The following TTC34 variants were observed in gnomAD, a reference collection of about 807,000 sequenced individuals.
TTC34 encodes the protein tetratricopeptide repeat domain 34.
A neutral mutation model predicts 40.7 loss-of-function variants in TTC34; 44 were observed. The observed-to-expected ratio is 1.08, with a 90% CI of 0.85 to 1.39. The LOEUF is 1.39. Among genes scored for constraint, TTC34 ranks in the 40% most tolerant of loss-of-function variants. TTC34 has a pLI of 0.00. For missense variants in TTC34, 884 were observed against 838.0 expected (o/e 1.05, Z -0.68); for synonymous variants, 422 against 398.6 (o/e 1.06, Z -0.70).
intron 6 of TTC34, among the ~76,000 whole-genome samples, chr1:2,653,773 C>T (rs924946295): frequency 4.6e-4 from 63 of 137,134 alleles, no homozygotes; most frequent in South Asian, 2.3e-3. Flanking sequence ...CCCACACCCC[C>T]AGGCGAGCAT....
chr1:2,651,638 A>C (rs1038312435), intron 6 of TTC34, among the ~76,000 whole-genome samples: 9 of 151,052 alleles, frequency 6.0e-5, no homozygotes, highest in East Asian at 5.9e-4. Flanking sequence ...ATCACCCTGC[A>C]TACCAGGAGG....
chr1:2,685,051 T>A (rs1159756584), intron 6 of TTC34, among the ~76,000 whole-genome samples: 3 of 141,102 alleles, frequency 2.1e-5, no homozygotes, highest in African/African-American at 5.8e-5. Flanking sequence ...CAGGTGAGCA[T>A]CTGACAGCCT....
Position 2,645,223 on chromosome 1 carries a change from G to A in TTC34, c.2497+70C>T, listed in dbSNP as rs922052460. 4 of 1,416,428 alleles carry A rather than the reference G, an allele frequency of 2.8e-6. No individual in the cohort carries two copies. Among genetic ancestry groups the A allele is most frequent in the Non-Finnish European group, 3.7e-6 (4 of 1,085,656 alleles). 87.7% of individuals were successfully genotyped at this position (1,416,428 alleles called of 1,614,324 possible). On this transcript the variant is annotated intron_variant, in intron 7 of 8. Transcript: ENST00000401095. The surrounding 1 kb of genome is among the most constrained non-coding windows in gnomAD (Gnocchi z 4.7). Reference sequence around the variant, plus strand: ...TCTTTCTTCCATTTTTACAGAACAGGATACAGAGGTCAGAGGAGCGGGGAC... The same window carrying A: ...TCTTTCTTCCATTTTTACAGAACAGAATACAGAGGTCAGAGGAGCGGGGAC...
At position 2,778,278 on chromosome 1, in the gene TTC34, C is replaced by A. The variant is rs140376550; in HGVS notation, c.2226+5331G>T. Among the ~76,000 whole-genome samples, 346 of 152,352 alleles carry A rather than the reference C, an allele frequency of 2.3e-3. 1 individual carries two copies. The highest frequency in any genetic ancestry group is 8.0e-3 in the African/African-American group (331 of 41,586). ...GCCTCTGTGCTGTGCTTTTACCCAG[C>A]GAAGCATCAGGGCAGACAGCCAATT... On this transcript the variant is annotated intron_variant, in intron 6 of 8. Coordinates refer to ENST00000401095, the Ensembl canonical transcript of TTC34.
chr1:2,752,260 G>C (rs1364362464), intron 6 of TTC34, among the ~76,000 whole-genome samples: 1 of 106,156 alleles, frequency 9.4e-6, no homozygotes, highest in South Asian at 3.5e-4. Context: ...GCCCAGCTGA[G>C]CCTCTGACAG....
intron 6 of TTC34, among the ~76,000 whole-genome samples, chr1:2,751,272 GAAC>G (rs1641309996): frequency 8.1e-6 from 1 of 122,946 alleles, no homozygotes; most frequent in East Asian, 2.8e-4. Context: ...CGACAGCCTG[GAAC>G]AGCACCCACA....
At chr1:2,639,299 CAGG>C (rs1384071899) in exon 9 of TTC34, 2 of 152,178 alleles carry the variant, frequency 1.3e-5, no homozygotes, top group Non-Finnish European at 2.9e-5. Context: ...TCCTGAGGTC[CAGG>C]AGGAGCCTCA....
At chr1:2,749,158 TGCACA>T (rs1641238308) in intron 6 of TTC34, among the ~76,000 whole-genome samples, 1 of 7,482 alleles carries the variant, frequency 1.3e-4, no homozygotes, top group Non-Finnish European at 2.1e-4. Flanking sequence ...AACAGCAAAC[TGCACA>T]CCCAGGTGAG....
chr1:2,788,699 T>C (rs1557691698), intron 3 of TTC34, among the ~76,000 whole-genome samples: 1 of 152,206 alleles, frequency 6.6e-6, no homozygotes, highest in East Asian at 1.9e-4. Context: ...AAGTCAAGGA[T>C]CCTACAAGTG....
At chr1:2,754,139 C>A (rs1641420931) in intron 6 of TTC34, among the ~76,000 whole-genome samples, 2 of 36,224 alleles carry the variant, frequency 5.5e-5, no homozygotes, top group Non-Finnish European at 8.8e-5. Flanking sequence ...CACCCACACC[C>A]CCAGGTGCGC....
chr1:2,681,664 C>T (rs1289789089), intron 6 of TTC34, among the ~76,000 whole-genome samples: 6 of 87,072 alleles, frequency 6.9e-5, no homozygotes, highest in South Asian at 6.7e-4. Context: ...AGCATCCACA[C>T]CCCCAGGTGA....
chr1:2,677,565 C>CT (rs1639953848), intron 6 of TTC34, among the ~76,000 whole-genome samples: 1 of 106,496 alleles, frequency 9.4e-6, no homozygotes, highest in African/African-American at 3.3e-5. Flanking sequence ...GAGCAGCACC[C>CT]ACACACCCAG....
chr1:2,699,991 C>A (rs530827845), intron 6 of TTC34, among the ~76,000 whole-genome samples: 178 of 110,282 alleles, frequency 1.6e-3, no homozygotes, highest in African/African-American at 4.9e-3. Context: ...GAGCATCTGA[C>A]AGCCTGGAGC....
intron 6 of TTC34, among the ~76,000 whole-genome samples, chr1:2,688,601 G>A (rs1279841251): frequency 1.5e-5 from 2 of 136,020 alleles, no homozygotes; most frequent in South Asian, 4.5e-4. Context: ...GCCTGGAGCA[G>A]CACCCACACC....
rs1235040759 is a variant in TTC34, at chr1:2,751,332, G to T, written c.2226+32277C>A. 2.1e-3 allele frequency among the ~76,000 whole-genome samples: 303 copies of T among 142,894 alleles called. 46 individuals are homozygous for T. Among genetic ancestry groups the T allele is most frequent in the African/African-American group, 7.9e-3 (293 of 36,968 alleles). The allele number at this position is 142,894 out of a possible 152,430, so 93.7% of individuals were successfully genotyped here. A position where few individuals can be genotyped will look rare whatever the true frequency, so the allele number is the denominator to read the frequency against. ...CCGTGGAGCAGAACAAACACCCCCA[G>T]GCGAGCATCTGACAGCCTGGGTCGG... On this transcript the variant is annotated intron_variant, in intron 6 of 8. Transcript: ENST00000401095.
In TTC34 at chr1:2,645,369, C is replaced by T. The variant is rs747265730; in HGVS notation, c.2421G>A (p.Val807=). The T allele has an allele frequency of 1.3e-6, 2 of 1,534,360 alleles. No individual in the cohort carries two copies. Among genetic ancestry groups the T allele is most frequent in the Non-Finnish European group, 1.7e-6 (2 of 1,146,040 alleles). The change falls in exon 7 of 9, where the codon GTG becomes GTA. Residue 807 remains valine (V), a synonymous_variant. Transcript: ENST00000401095. The surrounding 1 kb of genome is among the most constrained non-coding windows in gnomAD (Gnocchi z 4.7). The stretch of plus-strand genomic sequence containing the variant: ...AGTCGATTTTGATCAGCGCCTCCCC[C>T]ACAGCAAGGAGGCCCTGGGTGTCCT...
chr1:2,660,660 AGT>A, intron 6 of TTC34, among the ~76,000 whole-genome samples: 2 of 38,560 alleles, frequency 5.2e-5, no homozygotes, highest in Admixed American at 6.6e-4. Flanking sequence ...AGTCAGGAGC[AGT>A]GCCCACACAC....
exon 2 of TTC34, chr1:2,800,240 C>T (rs1384138670): frequency 1.3e-5 from 5 of 398,406 alleles, no homozygotes; most frequent in Non-Finnish European, 2.2e-5. Flanking sequence ...CCGGGTGCCC[C>T]GAGAGGTAGT....
chr1:2,693,920 T>C (rs1044997524), intron 6 of TTC34, among the ~76,000 whole-genome samples: 1 of 64,314 alleles, frequency 1.6e-5, no homozygotes, highest in African/African-American at 6.7e-5. Flanking sequence ...CAGCTGAGCC[T>C]GTGACAGCCT....
Sources: allele counts gnomAD v4.1 joint callset (sites outside exome capture counted in the v4.1 genomes callset), GRCh38; gene constraint gnomAD v4.1.1; non-coding constraint Gnocchi (gnomAD v3.1); transcripts MANE v1.5; gene names NCBI Gene and HGNC (gene_info 2026-07-23, HGNC 2026-07-21).